The following DCAF10 variants were observed in gnomAD, a reference collection of about 807,000 sequenced individuals.
The protein encoded by DCAF10 is DDB1- and CUL4-associated factor 10.
DCAF10 carries 19 observed loss-of-function variants against 51.9 expected under a neutral mutation model. The ratio of observed to expected loss-of-function variants is 0.37; its 90% CI spans 0.26 to 0.54. DCAF10 has a LOEUF of 0.54. Ranked by LOEUF, DCAF10 falls within the 20% of genes least tolerant of loss-of-function variation. The pLI is 0.87. For synonymous variants in DCAF10, 291 were observed against 297.1 expected (o/e 0.98, Z 0.21); for missense variants, 510 against 730.6 (o/e 0.70, Z 3.48).
At chr9:37,823,725 A>C (rs1160246974) in intron 2 of DCAF10, among the ~76,000 whole-genome samples, 2 of 152,188 alleles carry the variant, frequency 1.3e-5, no homozygotes, top group African/African-American at 4.8e-5. Context: ...GAAAAGAGGT[A>C]AAATTAATTT....
chr9:37,812,717 T>C (rs1005584685), intron 1 of DCAF10, among the ~76,000 whole-genome samples: 36 of 152,228 alleles, frequency 2.4e-4, no homozygotes, highest in Non-Finnish European at 4.6e-4. Context: ...CACTGCAGCC[T>C]TGACTTCCTG....
chr9:37,833,259 T>C (rs561664327), intron 2 of DCAF10, among the ~76,000 whole-genome samples: 34 of 152,262 alleles, frequency 2.2e-4, no homozygotes, highest in Non-Finnish European at 4.0e-4. Context: ...CATTTAATTA[T>C]TCTTGTTCTG....
chr9:37,813,212 C>T (rs989204608), intron 1 of DCAF10, among the ~76,000 whole-genome samples: 1 of 152,104 alleles, frequency 6.6e-6, no homozygotes, highest in South Asian at 2.1e-4. Context: ...GCAATCCTCC[C>T]GCCTGTCTCC....
intron 3 of DCAF10, among the ~76,000 whole-genome samples, chr9:37,845,259 T>G (rs1346083120): frequency 6.6e-6 from 1 of 152,128 alleles, no homozygotes. Context: ...AAGCATAAAA[T>G]TGATGATGTC....
intron 1 of DCAF10, among the ~76,000 whole-genome samples, chr9:37,811,817 A>T (rs1829355832): frequency 6.6e-6 from 1 of 152,234 alleles, no homozygotes; most frequent in African/African-American, 2.4e-5. Context: ...TTGAACAGAT[A>T]ATGGATGACA....
At chr9:37,815,509 A>G (rs1017770194) in intron 1 of DCAF10, among the ~76,000 whole-genome samples, 10 of 152,100 alleles carry the variant, frequency 6.6e-5, no homozygotes, top group African/African-American at 2.4e-4. Context: ...GCTGGGCATC[A>G]TGGCACACGC....
rs1470802675 is a variant in DCAF10, at chr9:37,862,401, A to G, written c.*893A>G. 1.3e-5 allele frequency: 2 copies of G among 152,216 alleles called. No individual in the cohort carries two copies. Among genetic ancestry groups the G allele is most frequent in the African/African-American group, 2.4e-5 (1 of 41,438 alleles). 9.4% of individuals were successfully genotyped at this position (152,216 alleles called of 1,614,324 possible). On this transcript the variant is annotated 3_prime_UTR_variant, in exon 7 of 7. Coordinates refer to ENST00000377724, the MANE Select transcript of DCAF10 (RefSeq NM_024345.5). ...GAACAATATGACTTAGATTTTCTGT[A>G]TTTCATCTGCCAGATTATTTGAATC...
chr9:37,855,631 T>A (rs1447555313), intron 4 of DCAF10, among the ~76,000 whole-genome samples: 2 of 152,152 alleles, frequency 1.3e-5, no homozygotes, highest in Non-Finnish European at 2.9e-5. Flanking sequence ...TACCCATCAT[T>A]TACATTATAA....
Position 37,819,343 on chromosome 9 carries a change from T to G in DCAF10, c.595T>G (p.Ser199Ala), listed in dbSNP as rs574415201. Residue 199 changes from serine (S) to alanine (A), a missense_variant, in exon 2 of 7, where the codon TCT becomes GCT. Coordinates refer to ENST00000377724, the MANE Select transcript of DCAF10 (RefSeq NM_024345.5). The stretch of plus-strand genomic sequence containing the variant: ...TGAAGTTCTGCTTTTTGACCCTATA[T>G]CTTCAAAGCACATAAAAACACTTTC... ...QTEVLLFDPI[S>A]SKHIKTLSEA... 1.9e-6 allele frequency: 3 copies of G among 1,613,946 alleles called. No individual in the cohort carries two copies. The highest frequency in any genetic ancestry group is 2.2e-5 in the East Asian group (1 of 44,822).
intron 3 of DCAF10, among the ~76,000 whole-genome samples, chr9:37,853,608 T>G (rs1264765649): frequency 1.3e-5 from 2 of 152,152 alleles, no homozygotes; most frequent in Non-Finnish European, 2.9e-5. Flanking sequence ...GGTACTCATT[T>G]TCATTATATT....
At chr9:37,850,549 A>C (rs933105387) in intron 3 of DCAF10, among the ~76,000 whole-genome samples, 7 of 152,158 alleles carry the variant, frequency 4.6e-5, no homozygotes, top group African/African-American at 1.4e-4. Flanking sequence ...TATCACTTAC[A>C]TGTAGAATCT....
intron 4 of DCAF10, 152 bp from the exon 5 acceptor site, chr9:37,857,089 G>A (rs978644240): frequency 2.1e-6 from 1 of 486,322 alleles, no homozygotes. Flanking sequence ...ACACTTCAAA[G>A]AGCTGTCTTG....
rs765976905 is a variant in DCAF10, at chr9:37,861,307, T to C, written c.1479T>C (p.Tyr493=). 9 of 1,614,220 alleles carry C rather than the reference T, an allele frequency of 5.6e-6. No homozygotes were observed. Among genetic ancestry groups the C allele is most frequent in the Non-Finnish European group, 5.9e-6 (7 of 1,180,042 alleles). The change falls in exon 7 of 7, where the codon TAT becomes TAC. Residue 493 remains tyrosine, a synonymous_variant. Transcript: ENST00000377724. The surrounding 1 kb of genome is among the most constrained non-coding windows in gnomAD (Gnocchi z 4.9). ...DGRMISSPHG[Y]GIRLLGFDKQ... ...GAATGATTTCTTCCCCACATGGCTA[T>C]GGGATTCGCTTGTTGGGATTTGACA... is the stretch of plus-strand genomic sequence containing the variant.
chr9:37,850,854 A>T (rs867820897), intron 3 of DCAF10, among the ~76,000 whole-genome samples: 3 of 106,136 alleles, frequency 2.8e-5, no homozygotes, highest in Non-Finnish European at 5.5e-5. Context: ...ATATATATAT[A>T]TATATATATA....
intron 2 of DCAF10, among the ~76,000 whole-genome samples, chr9:37,832,303 C>T (rs138782946): frequency 7.0e-6 from 1 of 143,518 alleles, no homozygotes; most frequent in Admixed American, 6.9e-5. Context: ...ACTAAAAATA[C>T]AAAAATTAGT....
At chr9:37,805,144 T>C (rs1829073574) in intron 1 of DCAF10, among the ~76,000 whole-genome samples, 1 of 152,110 alleles carries the variant, frequency 6.6e-6, no homozygotes, top group Non-Finnish European at 1.5e-5. Context: ...TCTTTTGGGA[T>C]TAATAGAGAT....
At chr9:37,845,238 G>A (rs547289942) in intron 3 of DCAF10, among the ~76,000 whole-genome samples, 2 of 152,236 alleles carry the variant, frequency 1.3e-5, no homozygotes, top group African/African-American at 4.8e-5. Context: ...GTATGGAAAT[G>A]ATAAGTGTAA....
chr9:37,801,369 A>G lies in DCAF10; in HGVS notation c.503A>G (p.His168Arg). The change falls in exon 1 of 7, where the codon CAC becomes CGC. Residue 168 changes from histidine (H) to arginine (R), a missense_variant. This residue lies in a region of DCAF10 where 126 missense variants were observed against 271.5 expected (regional missense o/e 0.46). Coordinates refer to ENST00000377724, the MANE Select transcript of DCAF10 (RefSeq NM_024345.5). This position sits in a 1 kb window ranked among gnomAD's most constrained non-coding sequence, Gnocchi z 5.5. The stretch of plus-strand genomic sequence containing the variant: ...TCGGTGTACCTCAGCACCCGCACCC[A>G]CGGCGCCGTCTTCAACCTCGAGTAC... ...ADSVYLSTRT[H>R]GAVFNLEYSP... The G allele has an allele frequency of 6.5e-7, 1 of 1,545,368 alleles. No individual in the cohort carries two copies. The highest frequency in any genetic ancestry group is 8.7e-7 in the Non-Finnish European group (1 of 1,147,746).
At chr9:37,841,634 G>C (rs1830340476) in intron 2 of DCAF10, among the ~76,000 whole-genome samples, 1 of 152,134 alleles carries the variant, frequency 6.6e-6, no homozygotes, top group Non-Finnish European at 1.5e-5. Context: ...GTTCTAAATA[G>C]AAAAAGATGT....
Sources: allele counts gnomAD v4.1 joint callset (sites outside exome capture counted in the v4.1 genomes callset), GRCh38; gene constraint gnomAD v4.1.1; regional missense constraint gnomAD v4.1.1; non-coding constraint Gnocchi (gnomAD v3.1); transcripts MANE v1.5; gene names NCBI Gene and HGNC (gene_info 2026-07-23, HGNC 2026-07-21).